CCDC126: variants seen among roughly 807,000 people sequenced by gnomAD.
CCDC126 encodes the protein coiled-coil domain containing 126.
CCDC126 carries 5 observed loss-of-function variants against 11.7 expected under a neutral mutation model. The ratio of observed to expected loss-of-function variants is 0.43; its 90% CI spans 0.22 to 0.90. The LOEUF is 0.90. CCDC126 is among the 40% of genes least tolerant of loss of function. The pLI is 0.27. For synonymous variants in CCDC126, 60 were observed against 61.9 expected (o/e 0.97, Z 0.14); for missense variants, 150 against 163.1 (o/e 0.92, Z 0.44).
At chr7:23,623,413 A>G (rs111474793) in intron 3 of CCDC126, among the ~76,000 whole-genome samples, 52 of 152,014 alleles carry the variant, frequency 3.4e-4, no homozygotes, top group African/African-American at 1.2e-3. Flanking sequence ...CCACGACAAC[A>G]TGGCGAAACC....
chr7:23,639,456 C>T (rs146091690), intron 3 of CCDC126, among the ~76,000 whole-genome samples: 3 of 152,144 alleles, frequency 2.0e-5, no homozygotes, highest in East Asian at 1.9e-4. Context: ...CATCCTGCCT[C>T]GGCCGCCCAA....
At chr7:23,614,438 C>T (rs987533510) in intron 3 of CCDC126, among the ~76,000 whole-genome samples, 13 of 152,180 alleles carry the variant, frequency 8.5e-5, no homozygotes, top group Non-Finnish European at 1.8e-4. Flanking sequence ...AAGTCTTGAA[C>T]CCCTCAAAGT....
chr7:23,635,596 T>A (rs370030071), intron 3 of CCDC126, among the ~76,000 whole-genome samples: 6 of 152,362 alleles, frequency 3.9e-5, no homozygotes, highest in Non-Finnish European at 1.5e-5. Flanking sequence ...TGGAGAAAGA[T>A]AGATATAATC....
chr7:23,624,682 T>C (rs536820834), intron 3 of CCDC126, among the ~76,000 whole-genome samples: 14 of 152,348 alleles, frequency 9.2e-5, no homozygotes, highest in African/African-American at 3.4e-4. Context: ...CTGTGGTACC[T>C]ATGCACGCAT....
In CCDC126 at chr7:23,611,399, G is replaced by A. The variant is rs1365248723; in HGVS notation, c.84G>A (p.Met28Ile). 2.5e-6 allele frequency: 4 copies of A among 1,613,872 alleles called. No homozygotes were observed. Among genetic ancestry groups the A allele is most frequent in the Non-Finnish European group, 3.4e-6 (4 of 1,179,840 alleles). ...TATTTGGACTCATTTGGGGATTGAT[G>A]TTACTGCACTATACTTTTCAACAAC... Reference protein sequence around the residue: ...LLVFGLIWGLMLLHYTFQQPR... With the variant: ...LLVFGLIWGLILLHYTFQQPR... Residue 28 changes from methionine to isoleucine, a missense_variant, in exon 3 of 4, where the codon ATG becomes ATA. By Grantham distance (10) the Met-to-Ile change is conservative (BLOSUM62 1). Transcript: ENST00000307471.
At chr7:23,604,724 C>T (rs1348929312) in intron 2 of CCDC126, among the ~76,000 whole-genome samples, 1 of 151,952 alleles carries the variant, frequency 6.6e-6, no homozygotes, top group Non-Finnish European at 1.5e-5. Flanking sequence ...GGGCCAGGTG[C>T]GGTGGCTCAC....
At chr7:23,627,217 A>T (rs925728756) in intron 3 of CCDC126, among the ~76,000 whole-genome samples, 1 of 152,126 alleles carries the variant, frequency 6.6e-6, no homozygotes, top group African/African-American at 2.4e-5. Context: ...GAACACTTTA[A>T]ATAAAAAATA....
chr7:23,605,895 T>G lies in CCDC126; in HGVS notation c.-145-5276T>G, dbSNP rs1427376369. On this transcript the variant is annotated intron_variant, in intron 2 of 3. Coordinates refer to ENST00000307471, the MANE Select transcript of CCDC126 (RefSeq NM_138771.4). ...GTTTTTGAGGAAATGCCATACTGTC[T>G]TCCCCAGCAGCCACACCATTTTATG... 7.2e-5 allele frequency among the ~76,000 whole-genome samples: 11 copies of G among 152,140 alleles called. No individual in the cohort carries two copies. In the East Asian group the frequency reaches 2.1e-3, roughly 29 times the overall value.
At position 23,644,667 on chromosome 7, in the gene CCDC126, T is replaced by C. The variant is rs1320779073; in HGVS notation, c.*1552T>C. 6.6e-6 allele frequency: 1 copy of C among 152,548 alleles called. No individual in the cohort carries two copies. Among genetic ancestry groups the C allele is most frequent in the African/African-American group, 2.4e-5 (1 of 41,444 alleles). The allele number at this position is 152,548 out of a possible 1,614,324, so 9.4% of individuals were successfully genotyped here. ...TAGATGTGGACATTTTTGTTTTTGT[T>C]TTTGTTTTCAGGGATGAAATAAAAT... On this transcript the variant is annotated 3_prime_UTR_variant, in exon 4 of 4. Transcript: ENST00000307471.
chr7:23,622,823 C>G, intron 3 of CCDC126: 1 of 430,610 alleles, frequency 2.3e-6, no homozygotes, highest in South Asian at 1.8e-5. Context: ...CCCCTCCATT[C>G]TAAATCTTAC....
chr7:23,607,666 G>T (rs765002909), intron 2 of CCDC126, among the ~76,000 whole-genome samples: 8 of 152,150 alleles, frequency 5.3e-5, no homozygotes, highest in Non-Finnish European at 1.0e-4. Flanking sequence ...ATTGGCCCCG[G>T]AGAATAAAGT....
chr7:23,603,885 C>T (rs1248434907), intron 2 of CCDC126, among the ~76,000 whole-genome samples: 2 of 152,234 alleles, frequency 1.3e-5, no homozygotes, highest in East Asian at 3.9e-4. Flanking sequence ...TGTTCTTGCC[C>T]ATAAGGGACC....
chr7:23,631,318 G>A (rs11772530), intron 3 of CCDC126, among the ~76,000 whole-genome samples: 27,999 of 152,024 alleles, frequency 0.18, 2,962 homozygotes, highest in Non-Finnish European at 0.25. Flanking sequence ...ATGAATATCA[G>A]GGCAGACCCT....
chr7:23,637,864 G>T (rs533039133), intron 3 of CCDC126, among the ~76,000 whole-genome samples: 1 of 97,596 alleles, frequency 1.0e-5, no homozygotes, highest in Non-Finnish European at 2.2e-5. Context: ...CCGCCCGGCC[G>T]GCCGCCCCGT....
chr7:23,642,153 G>A (rs10241321), intron 3 of CCDC126, among the ~76,000 whole-genome samples: 120,045 of 152,028 alleles, frequency 0.79, 47,937 homozygotes, highest in African/African-American at 0.91. Flanking sequence ...CTGGGACCAC[G>A]GGCGCATGCC....
At position 23,643,144 on chromosome 7, in the gene CCDC126, T is replaced by A; in HGVS notation, c.*29T>A. 6.3e-7 allele frequency: 1 copy of A among 1,594,716 alleles called. No individual in the cohort carries two copies. On this transcript the variant is annotated 3_prime_UTR_variant, in exon 4 of 4. Coordinates refer to ENST00000307471, the MANE Select transcript of CCDC126 (RefSeq NM_138771.4). ...TTGAAAATCACCTTGTGCTGCTCCA[T>A]CCACTGTGGATTATATCCTATGGCA...
Position 23,611,289 on chromosome 7 carries a change from C to A in CCDC126, c.-27C>A. On this transcript the variant is annotated 5_prime_UTR_variant, in exon 3 of 4. Coordinates refer to ENST00000307471, the MANE Select transcript of CCDC126 (RefSeq NM_138771.4). ...TTACCTCAAGTTACCATTTTTCAGT[C>A]AAGTCTGTTTGTTTGCTTCTTCAGA... The A allele has an allele frequency of 1.4e-6, 2 of 1,427,630 alleles. No individual in the cohort carries two copies. The highest frequency in any genetic ancestry group is 2.4e-5 in the South Asian group (2 of 85,054). 88.4% of individuals were successfully genotyped at this position (1,427,630 alleles called of 1,614,324 possible). A position where few individuals can be genotyped will look rare whatever the true frequency, so the allele number is the denominator to read the frequency against.
At chr7:23,632,677 C>G (rs572106739) in intron 3 of CCDC126, among the ~76,000 whole-genome samples, 106 of 152,252 alleles carry the variant, frequency 7.0e-4, no homozygotes, top group African/African-American at 2.4e-3. Context: ...TCTTACAACT[C>G]TTTGTAAATC....
chr7:23,631,734 C>G (rs926620288), intron 3 of CCDC126, among the ~76,000 whole-genome samples: 1 of 151,574 alleles, frequency 6.6e-6, no homozygotes, highest in Non-Finnish European at 1.5e-5. Flanking sequence ...GCACCTCAGC[C>G]TGGGTGACAG....
Sources: allele counts gnomAD v4.1 joint callset (sites outside exome capture counted in the v4.1 genomes callset), GRCh38; gene constraint gnomAD v4.1.1; transcripts MANE v1.5; gene names NCBI Gene and HGNC (gene_info 2026-07-23, HGNC 2026-07-21).